PAK1: variants seen among roughly 807,000 people sequenced by gnomAD.
PAK1 encodes the protein serine/threonine-protein kinase PAK 1.
Under a neutral mutation model 67.4 loss-of-function variants are expected in PAK1, and 29 were observed. That is an observed-to-expected ratio of 0.43 (90% CI 0.32 to 0.59). The LOEUF is 0.59. Ranked by LOEUF, PAK1 falls within the 20% of genes least tolerant of loss-of-function variation. The probability of loss-of-function intolerance (pLI) is 0.07; values close to 1 mark genes in which losing one functional copy is unlikely to be tolerated. For synonymous variants in PAK1, 223 were observed against 237.4 expected, an observed-to-expected ratio of 0.94 and a Z score of 0.56; for missense variants, 337 against 670.7, an observed-to-expected ratio of 0.50 and a Z score of 5.50.
the PAK1 span, among the ~76,000 whole-genome samples, chr11:77,504,734 T>C: frequency 6.6e-6 from 1 of 152,234 alleles, no homozygotes; most frequent in Non-Finnish European, 1.5e-5. Context: ...TAAGGATTGC[T>C]GAGGTAGGGA....
chr11:77,450,182 AATG>A (rs779030778), intron 1 of PAK1, among the ~76,000 whole-genome samples: 22 of 152,220 alleles, frequency 1.4e-4, no homozygotes, highest in Non-Finnish European at 3.1e-4. Context: ...TTACTGAATT[AATG>A]GCTTACATAA....
the PAK1 span, among the ~76,000 whole-genome samples, chr11:77,486,984 C>T: frequency 1.3e-5 from 2 of 152,170 alleles, no homozygotes; most frequent in African/African-American, 2.4e-5. Flanking sequence ...CAAGGAAATG[C>T]TTGCACCACC....
chr11:77,475,057 C>T (rs1958036720), upstream of PAK1: 1 of 152,118 alleles, frequency 6.6e-6, no homozygotes, highest in African/African-American at 2.4e-5. Context: ...CTTCCTAAGC[C>T]TCAGTTTTAC....
intron 13 of PAK1, 118 bp downstream of exon 13, chr11:77,335,968 A>G: frequency 1.8e-6 from 1 of 564,094 alleles, no homozygotes; most frequent in Non-Finnish European, 3.2e-6. Flanking sequence ...AACAGTGACT[A>G]GTTGTATCCA....
At chr11:77,332,377 GGGAAGGGAAGGGAAGGGAAGGGAAA>G (rs1941828015) in intron 14 of PAK1, among the ~76,000 whole-genome samples, 1 of 50 alleles carries the variant, frequency 0.02, no homozygotes, top group Non-Finnish European at 0.036. Context: ...AGGAAGGGAA[GGGAAGGGAAGGGAAGGGAAGGGAAA>G]GGAAGGGAAG....
intron 1 of PAK1, among the ~76,000 whole-genome samples, chr11:77,431,901 A>G (rs1419965519): frequency 6.6e-6 from 1 of 152,164 alleles, no homozygotes; most frequent in Non-Finnish European, 1.5e-5. Context: ...ATGGCCTTAA[A>G]ATAAGGTCAC....
intron 8 of PAK1, chr11:77,349,502 C>T (rs1222817521): frequency 3.6e-6 from 2 of 556,442 alleles, no homozygotes; most frequent in African/African-American, 1.9e-5. Context: ...GAATTCCAAC[C>T]TGGTACTTCT....
chr11:77,446,515 A>C (rs905023009), intron 1 of PAK1, among the ~76,000 whole-genome samples: 2 of 149,862 alleles, frequency 1.3e-5, no homozygotes, highest in Admixed American at 6.6e-5. Context: ...CTGTCTCAAA[A>C]AAAAAAAAAA....
chr11:77,344,835 G>C (rs2853101), intron 9 of PAK1, among the ~76,000 whole-genome samples: 1 of 152,152 alleles, frequency 6.6e-6, no homozygotes, highest in Non-Finnish European at 1.5e-5. Flanking sequence ...TGGTTGCCTA[G>C]AAATGCTTCT....
chr11:77,334,191 T>A (rs890177652), intron 13 of PAK1, among the ~76,000 whole-genome samples: 3 of 149,936 alleles, frequency 2.0e-5, no homozygotes, highest in African/African-American at 5.0e-5. Context: ...AAAATAAAAA[T>A]AAAAAAATAA....
At chr11:77,379,446 A>T in intron 3 of PAK1, 58 bp from the exon 4 acceptor site, 1 of 1,538,484 alleles carries the variant, frequency 6.5e-7, no homozygotes, top group South Asian at 1.2e-5. Context: ...AGCCTGAAAG[A>T]ACATCAGAGC....
At chr11:77,407,070 TTTA>T (rs1280284531) in intron 1 of PAK1, among the ~76,000 whole-genome samples, 1 of 152,152 alleles carries the variant, frequency 6.6e-6, no homozygotes, top group Non-Finnish European at 1.5e-5. Context: ...ATTTTTAAGC[TTTA>T]TAATAACCCT....
chr11:77,379,521 C>CA, intron 3 of PAK1, 133 bp from the exon 4 acceptor site: 1 of 752,152 alleles, frequency 1.3e-6, no homozygotes, highest in Non-Finnish European at 2.1e-6. Context: ...TCTATACTCT[C>CA]AGAGTTTACA....
At chr11:77,478,336 G>A (rs1027687649), upstream of PAK1, among the ~76,000 whole-genome samples, 2 of 151,950 alleles carry the variant, frequency 1.3e-5, no homozygotes, top group Admixed American at 6.6e-5. Context: ...CTTTTGACAC[G>A]TCCTCATCAT....
chr11:77,337,721 A>G (rs1029582222), intron 11 of PAK1, among the ~76,000 whole-genome samples: 2 of 152,152 alleles, frequency 1.3e-5, no homozygotes, highest in Non-Finnish European at 2.9e-5. Context: ...TAAAGGACCT[A>G]AGGCCCAAGA....
At chr11:77,387,154 C>T (rs549018479) in intron 2 of PAK1, among the ~76,000 whole-genome samples, 3 of 149,620 alleles carry the variant, frequency 2.0e-5, no homozygotes, top group Admixed American at 6.7e-5. Context: ...CTCACTGCAA[C>T]CTCTGCCGCC....
chr11:77,448,340 C>T (rs1308417549), intron 1 of PAK1, among the ~76,000 whole-genome samples: 3 of 152,122 alleles, frequency 2.0e-5, no homozygotes, highest in Non-Finnish European at 4.4e-5. Flanking sequence ...GTATTTGCTA[C>T]GTATTTCTAA....
At chr11:77,512,689 C>A in the PAK1 span, among the ~76,000 whole-genome samples, 1 of 152,156 alleles carries the variant, frequency 6.6e-6, no homozygotes. Context: ...GCATTGAATA[C>A]CTATGAGTAC....
chr11:77,354,887 C>T (rs1020985878), intron 7 of PAK1, among the ~76,000 whole-genome samples: 10 of 152,258 alleles, frequency 6.6e-5, no homozygotes, highest in African/African-American at 2.2e-4. Context: ...CCTAGTTCTT[C>T]CTTCTAACAT....
Sources: gnomAD v4.1 joint callset for allele counts (sites outside exome capture counted in the v4.1 genomes callset) on GRCh38, gnomAD v4.1.1 for gene constraint, MANE v1.5 for transcripts, NCBI Gene and HGNC (gene_info 2026-07-23, HGNC 2026-07-21) for gene names.